SEMA6A: variants seen among roughly 807,000 people sequenced by gnomAD.
The protein encoded by SEMA6A is semaphorin 6A.
SEMA6A carries 25 observed loss-of-function variants against 96.8 expected under a neutral mutation model. That is an observed-to-expected ratio of 0.26 (90% confidence interval 0.19 to 0.36). The LOEUF (loss-of-function observed/expected upper bound fraction) is 0.36, where lower values mean the gene tolerates loss of function less well. SEMA6A is among the 10% of genes least tolerant of loss of function. The pLI is 1.00. For synonymous variants in SEMA6A, 612 were observed against 518.0 expected (o/e 1.18, Z -2.46); for missense variants, 1,363 against 1,323.1 (o/e 1.03, Z -0.47).
chr5:116,444,959 G>C lies in SEMA6A; in HGVS notation c.*1654C>G, dbSNP rs1754095429. On this transcript the variant is annotated 3_prime_UTR_variant, in exon 19 of 19. Transcript: ENST00000343348. ...TAGCAAATAAGGATATCACCGTATT[G>C]AAATAATCTAAGGGAAGCAGGGAGC... 6.5e-6 allele frequency: 1 copy of C among 152,686 alleles called. No individual in the cohort carries two copies. Among genetic ancestry groups the C allele is most frequent in the Admixed American group, 6.5e-5 (1 of 15,286 alleles). 9.5% of individuals were successfully genotyped at this position (152,686 alleles called of 1,614,324 possible).
chr5:116,524,827 A>T (rs1444234006), intron 1 of SEMA6A, among the ~76,000 whole-genome samples: 1 of 33,684 alleles, frequency 3.0e-5, no homozygotes, highest in Admixed American at 4.8e-4. Flanking sequence ...CTTATTCTTT[A>T]GGGGTTAGGA....
At chr5:116,467,790 G>A in intron 17 of SEMA6A, 43 bp from the exon 18 acceptor site, 1 of 1,604,312 alleles carries the variant, frequency 6.2e-7, no homozygotes, top group Non-Finnish European at 8.5e-7. Context: ...TCACCAGAGA[G>A]ACCCACATTC....
intron 18 of SEMA6A, among the ~76,000 whole-genome samples, chr5:116,459,397 T>C (rs561903738): frequency 6.6e-6 from 1 of 152,170 alleles, no homozygotes; most frequent in Admixed American, 6.5e-5. Context: ...TCTACCCTCC[T>C]GTGGTCCCTT....
chr5:116,471,992 T>C (rs258019), intron 17 of SEMA6A, among the ~76,000 whole-genome samples: 41,798 of 152,100 alleles, frequency 0.27, 6,045 homozygotes, highest in East Asian at 0.51. Context: ...ATCTGTTGCT[T>C]GATTATATAT....
At chr5:116,475,983 T>TC (rs1756428061) in intron 15 of SEMA6A, among the ~76,000 whole-genome samples, 1 of 152,220 alleles carries the variant, frequency 6.6e-6, no homozygotes, top group African/African-American at 2.4e-5. Flanking sequence ...AATCTTTTTT[T>TC]CTCTATTCTC....
At chr5:116,466,178 C>A (rs1230266555) in intron 18 of SEMA6A, among the ~76,000 whole-genome samples, 1 of 151,244 alleles carries the variant, frequency 6.6e-6, no homozygotes, top group Admixed American at 6.6e-5. Flanking sequence ...CAAGACCAGC[C>A]TGGCCAACAT....
intron 1 of SEMA6A, among the ~76,000 whole-genome samples, chr5:116,523,293 G>T (rs1237735034): frequency 6.6e-6 from 1 of 151,988 alleles, no homozygotes; most frequent in Admixed American, 6.6e-5. Flanking sequence ...GGGGTTTAAG[G>T]TCTTACTGGG....
chr5:116,487,097 A>C (rs76911074), intron 9 of SEMA6A, 131 bp from the exon 10 acceptor site: 1 of 521,268 alleles, frequency 1.9e-6, no homozygotes, highest in Non-Finnish European at 3.1e-6. Context: ...ATCAGTAACA[A>C]AAAAAAAAAA....
intron 1 of SEMA6A, among the ~76,000 whole-genome samples, chr5:116,532,235 G>A (rs6885885): frequency 0.077 from 11,774 of 152,186 alleles, 735 homozygotes; most frequent in African/African-American, 0.18. Flanking sequence ...TTAAGACACT[G>A]CTGTATTTTG....
At chr5:116,458,819 T>C (rs1290427081) in intron 18 of SEMA6A, among the ~76,000 whole-genome samples, 1 of 152,064 alleles carries the variant, frequency 6.6e-6, no homozygotes, top group Non-Finnish European at 1.5e-5. Context: ...AAATTAATTA[T>C]ATCAAATCTA....
intron 1 of SEMA6A, among the ~76,000 whole-genome samples, chr5:116,535,669 G>A (rs1194976006): frequency 6.6e-6 from 1 of 152,154 alleles, no homozygotes; most frequent in Non-Finnish European, 1.5e-5. Context: ...AGCTGAGGGG[G>A]ATGTTGAAAG....
At chr5:116,561,367 C>A (rs1385321553) in intron 1 of SEMA6A, among the ~76,000 whole-genome samples, 2 of 152,174 alleles carry the variant, frequency 1.3e-5, no homozygotes, top group African/African-American at 4.8e-5. Context: ...GGCAAAACAG[C>A]CCTATCTAAA....
chr5:116,467,888 GGT>G, intron 17 of SEMA6A, 141 bp from the exon 18 acceptor site: 2 of 540,612 alleles, frequency 3.7e-6, no homozygotes, highest in Non-Finnish European at 3.1e-6. Flanking sequence ...GCTTAGTGGT[GGT>G]GGTGGTGGTG....
At chr5:116,534,788 G>A (rs1759637121) in intron 1 of SEMA6A, among the ~76,000 whole-genome samples, 2 of 152,186 alleles carry the variant, frequency 1.3e-5, no homozygotes, top group South Asian at 2.1e-4. Context: ...CTGGACACCC[G>A]CTGCTTAGCC....
chr5:116,464,158 A>T lies in SEMA6A; in HGVS notation c.1894+3425T>A, dbSNP rs2112635645. On this transcript the variant is annotated intron_variant, in intron 18 of 18. Transcript: ENST00000343348. ...TTATATGTGATTAGAGCCCCTTTGT[A>T]ACTACCCATTACGACCTCAATAGTT... Among the ~76,000 whole-genome samples the T allele has an allele frequency of 2.0e-5, 3 of 152,332 alleles. No individual in the cohort carries two copies. In the Middle Eastern group the frequency reaches 0.01, roughly 518 times the overall value.
chr5:116,561,585 C>T (rs562651273), intron 1 of SEMA6A, among the ~76,000 whole-genome samples: 5 of 152,336 alleles, frequency 3.3e-5, no homozygotes, highest in Admixed American at 2.6e-4. Context: ...TCATGTTCTA[C>T]GCAGAATTTG....
rs778255851 is a variant in SEMA6A, at chr5:116,467,622, A to G, written c.1855T>C (p.Leu619=). Residue 619 remains leucine, a synonymous_variant, in exon 18 of 19, where the codon TTG becomes CTG. Coordinates refer to ENST00000343348, the MANE Select transcript of SEMA6A (RefSeq NM_020796.5). The stretch of plus-strand genomic sequence containing the variant: ...TGATTATGGGAAGACACTGCCCCCA[A>G]AGGGTCTGTGCTGTCAGGTGAGTCA... ...LLDSPDSTDP[L]GAVSSHNHQD... The G allele has an allele frequency of 1.1e-5, 17 of 1,613,168 alleles. No individual in the cohort carries two copies. The highest frequency in any genetic ancestry group is 1.4e-5 in the Non-Finnish European group (16 of 1,179,690).
chr5:116,540,578 C>A (rs1390656336), intron 1 of SEMA6A, among the ~76,000 whole-genome samples: 1 of 152,302 alleles, frequency 6.6e-6, no homozygotes, highest in South Asian at 2.1e-4. Context: ...TTCATCTCTA[C>A]TAGAAACATA....
intron 1 of SEMA6A, among the ~76,000 whole-genome samples, chr5:116,542,735 C>A (rs190376654): frequency 3.7e-4 from 57 of 152,324 alleles, no homozygotes; most frequent in Non-Finnish European, 7.2e-4. Flanking sequence ...CCTGGTCAAG[C>A]TAGTTTCTGC....
Sources: gnomAD v4.1 joint callset for allele counts (sites outside exome capture counted in the v4.1 genomes callset) on GRCh38, gnomAD v4.1.1 for gene constraint, MANE v1.5 for transcripts, NCBI Gene and HGNC (gene_info 2026-07-23, HGNC 2026-07-21) for gene names.